Variants in GAREM1 observed in about 807,000 individuals in gnomAD.
GAREM1 encodes GRB2 associated regulator of MAPK1 subtype 1.
GAREM1 carries 26 observed loss-of-function variants against 71.3 expected under a neutral mutation model. The ratio of observed to expected loss-of-function variants is 0.36; its 90% confidence interval spans 0.27 to 0.51. The LOEUF is 0.51. Among genes scored for constraint, GAREM1 ranks in the 20% least tolerant of loss-of-function variants. The pLI, the probability that GAREM1 is intolerant of heterozygous loss-of-function variation, is 0.95. For synonymous variants in GAREM1, 440 were observed against 433.2 expected, an observed-to-expected ratio of 1.02 and a Z score of -0.20; for missense variants, 1,026 against 1,103.1, an observed-to-expected ratio of 0.93 and a Z score of 0.99.
At position 32,268,204 on chromosome 18, in the gene GAREM1, C is replaced by T; in HGVS notation, c.2298G>A (p.Gln766=). ...CCTGCATGCCCTTTTTAACAAAATA[C>T]TGGTCCTCCGAGAGATCTGGTGACC... is the stretch of plus-strand genomic sequence containing the variant. ...KSGSPDLSED[Q]YFVKKGMQDI... is the part of the protein sequence containing the mutation. The change falls in exon 6 of 6, where the codon CAG becomes CAA. Residue 766 remains glutamine (Q), a synonymous_variant. Coordinates refer to ENST00000269209, the MANE Select transcript of GAREM1 (RefSeq NM_001242409.2). The T allele has an allele frequency of 6.2e-7, 1 of 1,614,156 alleles. No homozygotes were observed. Among genetic ancestry groups the T allele is most frequent in the Admixed American group, 1.7e-5 (1 of 60,022 alleles).
chr18:32,432,452 A>G (rs8089781), intron 1 of GAREM1, among the ~76,000 whole-genome samples: 4 of 152,166 alleles, frequency 2.6e-5, no homozygotes, highest in Non-Finnish European at 4.4e-5. Context: ...ATGAGAACAG[A>G]TATCAATTAA....
At chr18:32,353,472 A>G (rs970306787) in intron 2 of GAREM1, among the ~76,000 whole-genome samples, 2 of 152,210 alleles carry the variant, frequency 1.3e-5, no homozygotes, top group Admixed American at 1.3e-4. Flanking sequence ...TATAAGGGTT[A>G]AAATAATTTG....
At chr18:32,430,428 G>C (rs541352932) in intron 1 of GAREM1, among the ~76,000 whole-genome samples, 1 of 152,092 alleles carries the variant, frequency 6.6e-6, no homozygotes. Flanking sequence ...GCAAGAGTAC[G>C]GATTCACAAA....
At chr18:32,462,387 A>G (rs1050606261) in intron 1 of GAREM1, among the ~76,000 whole-genome samples, 3 of 152,136 alleles carry the variant, frequency 2.0e-5, no homozygotes, top group Admixed American at 2.0e-4. Context: ...CATTTTTTTC[A>G]TATACCTATA....
intron 2 of GAREM1, among the ~76,000 whole-genome samples, chr18:32,372,998 T>C (rs1433346371): frequency 6.6e-6 from 1 of 152,188 alleles, no homozygotes; most frequent in Non-Finnish European, 1.5e-5. Context: ...TTCTCTTCCA[T>C]AGAAGTTATC....
intron 4 of GAREM1, among the ~76,000 whole-genome samples, chr18:32,274,803 T>C (rs545719199): frequency 9.2e-5 from 14 of 152,220 alleles, no homozygotes; most frequent in African/African-American, 3.1e-4. Context: ...CCATCTATAT[T>C]TAATGAGCCT....
At chr18:32,337,549 G>C (rs1404701265) in intron 2 of GAREM1, among the ~76,000 whole-genome samples, 3 of 152,158 alleles carry the variant, frequency 2.0e-5, no homozygotes, top group Non-Finnish European at 2.9e-5. Flanking sequence ...ATCTGCATTA[G>C]TCATAGGAAA....
At chr18:32,422,492 C>T (rs2048528966) in intron 1 of GAREM1, among the ~76,000 whole-genome samples, 1 of 152,202 alleles carries the variant, frequency 6.6e-6, no homozygotes. Context: ...GTCTTAGCAA[C>T]TCCAGTACTT....
At chr18:32,457,725 GCTAA>G (rs1208331304) in intron 1 of GAREM1, among the ~76,000 whole-genome samples, 2 of 152,202 alleles carry the variant, frequency 1.3e-5, no homozygotes, top group East Asian at 3.9e-4. Context: ...GTCCTCAGGT[GCTAA>G]ATTGGCAGAG....
chr18:32,305,976 G>A (rs549388717), intron 3 of GAREM1, among the ~76,000 whole-genome samples: 3 of 152,254 alleles, frequency 2.0e-5, no homozygotes, highest in South Asian at 2.1e-4. Flanking sequence ...CGAGGGAGCC[G>A]AAAATGGCTG....
At chr18:32,346,052 T>C (rs1444430117) in intron 2 of GAREM1, among the ~76,000 whole-genome samples, 1 of 152,202 alleles carries the variant, frequency 6.6e-6, no homozygotes, top group Admixed American at 6.5e-5. Flanking sequence ...ACTACTTGAA[T>C]ATATCACGTA....
intron 3 of GAREM1, among the ~76,000 whole-genome samples, chr18:32,301,811 T>C (rs2047204701): frequency 6.6e-6 from 1 of 152,232 alleles, no homozygotes. Context: ...TTCCTTCAAA[T>C]TCCTATTTCA....
At chr18:32,418,894 T>TAAC (rs1047062413) in intron 1 of GAREM1, among the ~76,000 whole-genome samples, 2 of 152,216 alleles carry the variant, frequency 1.3e-5, no homozygotes, top group Non-Finnish European at 2.9e-5. Flanking sequence ...TAATGCTGTG[T>TAAC]AACAAGTTAC....
chr18:32,443,132 T>C (rs1416324665), intron 1 of GAREM1, among the ~76,000 whole-genome samples: 1 of 152,020 alleles, frequency 6.6e-6, no homozygotes, highest in Non-Finnish European at 1.5e-5. Flanking sequence ...ATAATCTATA[T>C]AAAAATCAGC....
intron 1 of GAREM1, among the ~76,000 whole-genome samples, chr18:32,431,433 G>A (rs2048623436): frequency 6.6e-6 from 1 of 152,104 alleles, no homozygotes; most frequent in South Asian, 2.1e-4. Flanking sequence ...TTCAAGACCA[G>A]CCTGGCCAAT....
chr18:32,299,380 G>A (rs1486032806), intron 3 of GAREM1, among the ~76,000 whole-genome samples: 2 of 151,782 alleles, frequency 1.3e-5, no homozygotes, highest in Non-Finnish European at 2.9e-5. Flanking sequence ...CGGGTGTGGC[G>A]GTGTGCGCCT....
At chr18:32,399,815 A>C (rs867792500) in intron 1 of GAREM1, among the ~76,000 whole-genome samples, 34 of 152,336 alleles carry the variant, frequency 2.2e-4, no homozygotes, top group African/African-American at 7.5e-4. Context: ...AGAATTGGAA[A>C]AAACTACTTT....
intron 1 of GAREM1, among the ~76,000 whole-genome samples, chr18:32,426,916 T>C (rs1340241270): frequency 6.6e-6 from 1 of 152,324 alleles, no homozygotes; most frequent in East Asian, 1.9e-4. Flanking sequence ...ACCATCATTT[T>C]TAGAACTCTC....
At chr18:32,358,814 T>G (rs945146474) in intron 2 of GAREM1, among the ~76,000 whole-genome samples, 2 of 152,176 alleles carry the variant, frequency 1.3e-5, no homozygotes, top group African/African-American at 4.8e-5. Context: ...CAGGCTAGAA[T>G]CCAAACAATG....
Sources: allele counts gnomAD v4.1 joint callset (sites outside exome capture counted in the v4.1 genomes callset), GRCh38; gene constraint gnomAD v4.1.1; transcripts MANE v1.5; gene names NCBI Gene and HGNC (gene_info 2026-07-23, HGNC 2026-07-21).